The following KCNMB2 variants were observed in gnomAD, a reference collection of about 807,000 sequenced individuals.
KCNMB2 encodes potassium calcium-activated channel subfamily M regulatory beta subunit 2, also known as calcium-activated potassium channel subunit beta-2.
KCNMB2 carries 9 observed loss-of-function variants against 24.5 expected under a neutral mutation model. The observed-to-expected ratio is 0.37, with a 90% confidence interval of 0.22 to 0.64. The LOEUF is 0.64. Ranked by LOEUF, KCNMB2 falls within the 30% of genes least tolerant of loss-of-function variation. The pLI is 0.63. For missense variants in KCNMB2, 226 were observed against 284.3 expected, an observed-to-expected ratio of 0.79 and a Z score of 1.47; for synonymous variants, 109 against 104.4, an observed-to-expected ratio of 1.04 and a Z score of -0.27.
chr3:178,686,391 T>G (rs1001616737), intron 1 of KCNMB2, among the ~76,000 whole-genome samples: 1 of 152,176 alleles, frequency 6.6e-6, no homozygotes, highest in Non-Finnish European at 1.5e-5. Flanking sequence ...CTATTGGTAA[T>G]AAACTGGAAG....
intron 2 of KCNMB2, among the ~76,000 whole-genome samples, chr3:178,815,571 T>A (rs9819671): frequency 0.26 from 40,017 of 152,016 alleles, 7,074 homozygotes; most frequent in African/African-American, 0.51. Context: ...AAATCATGAA[T>A]AAAACAGGTA....
At chr3:178,836,456 C>A (rs1577225905) in intron 4 of KCNMB2, among the ~76,000 whole-genome samples, 1 of 152,048 alleles carries the variant, frequency 6.6e-6, no homozygotes. Flanking sequence ...AAGGAAAGAG[C>A]ATGATCATGG....
intron 1 of KCNMB2, among the ~76,000 whole-genome samples, chr3:178,696,859 A>ACTACTTACCAAG (rs1721898257): frequency 6.6e-6 from 1 of 152,034 alleles, no homozygotes; most frequent in African/African-American, 2.4e-5. Context: ...CTTTTACCAA[A>ACTACTTACCAAG]TAGTAAACAA....
At chr3:178,714,854 A>G (rs1191723725) in intron 1 of KCNMB2, among the ~76,000 whole-genome samples, 1 of 152,216 alleles carries the variant, frequency 6.6e-6, no homozygotes, top group Non-Finnish European at 1.5e-5. Flanking sequence ...CATGGAAATC[A>G]CGGCTGCACC....
At chr3:178,757,651 GAT>G (rs1302650620) in intron 1 of KCNMB2, among the ~76,000 whole-genome samples, 1 of 29,226 alleles carries the variant, frequency 3.4e-5, no homozygotes. Context: ...TATCCAAGAG[GAT>G]ATATATATAT....
intron 1 of KCNMB2, among the ~76,000 whole-genome samples, chr3:178,761,218 G>T (rs1711860917): frequency 6.6e-6 from 1 of 152,146 alleles, no homozygotes; most frequent in South Asian, 2.1e-4. Context: ...TGAGTGACAT[G>T]CTCTGATTCT....
At chr3:178,679,262 G>T (rs545007619) in intron 1 of KCNMB2, among the ~76,000 whole-genome samples, 10 of 151,860 alleles carry the variant, frequency 6.6e-5, no homozygotes, top group East Asian at 1.9e-4. Context: ...ATAGGCTCTT[G>T]GTCTGTCACC....
At chr3:178,823,153 A>C (rs544955771) in intron 2 of KCNMB2, among the ~76,000 whole-genome samples, 1 of 152,236 alleles carries the variant, frequency 6.6e-6, no homozygotes, top group African/African-American at 2.4e-5. Context: ...TAAAGGGTGA[A>C]GTTTTAAAAG....
intron 1 of KCNMB2, among the ~76,000 whole-genome samples, chr3:178,677,782 G>A (rs189132681): frequency 6.6e-6 from 1 of 152,186 alleles, no homozygotes; most frequent in Admixed American, 6.5e-5. Flanking sequence ...GCCCTTCAAG[G>A]GGGAGAAGGA....
intron 1 of KCNMB2, among the ~76,000 whole-genome samples, chr3:178,793,110 A>G (rs1713390812): frequency 6.6e-6 from 1 of 152,172 alleles, no homozygotes; most frequent in African/African-American, 2.4e-5. Context: ...CTAAATATAC[A>G]CAGCCCTGCT....
chr3:178,775,551 G>T lies in KCNMB2; in HGVS notation c.-67-31792G>T, dbSNP rs550794201. On this transcript the variant is annotated intron_variant, in intron 1 of 4. Coordinates refer to ENST00000452583, the MANE Select transcript of KCNMB2 (RefSeq NM_181361.3). ...CTAAAAATATTAGATTCTTAAAATA[G>T]GAGTTCTTTTTCTTAAGCGATAATC... is the stretch of plus-strand genomic sequence containing the variant. 2.0e-5 allele frequency among the ~76,000 whole-genome samples: 3 copies of T among 152,202 alleles called. 1 individual carries two copies. The South Asian group carries it at 6.2e-4, about 32-fold the overall frequency.
chr3:178,803,248 C>T (rs1713840659), intron 1 of KCNMB2, among the ~76,000 whole-genome samples: 1 of 152,194 alleles, frequency 6.6e-6, no homozygotes, highest in Non-Finnish European at 1.5e-5. Context: ...GCTGCTCTCA[C>T]TTATCTTTTC....
chr3:178,826,654 C>CTTT (rs1190234143), intron 3 of KCNMB2, among the ~76,000 whole-genome samples: 27 of 152,250 alleles, frequency 1.8e-4, no homozygotes, highest in African/African-American at 6.5e-4. Flanking sequence ...AGAAACAAGA[C>CTTT]CTTTTCAAAT....
intron 1 of KCNMB2, among the ~76,000 whole-genome samples, chr3:178,553,365 T>C (rs1177019190): frequency 6.6e-6 from 1 of 152,078 alleles, no homozygotes; most frequent in East Asian, 1.9e-4. Context: ...GAACTGAAAA[T>C]TGGCCAACAC....
At chr3:178,816,134 G>C (rs1714396047) in intron 2 of KCNMB2, among the ~76,000 whole-genome samples, 1 of 151,798 alleles carries the variant, frequency 6.6e-6, no homozygotes. Context: ...CCATTATGGT[G>C]ATATTTTTAA....
chr3:178,740,470 A>G (rs1252941247), intron 1 of KCNMB2, among the ~76,000 whole-genome samples: 2 of 152,140 alleles, frequency 1.3e-5, no homozygotes, highest in East Asian at 3.8e-4. Flanking sequence ...GATTTTCTTT[A>G]TCTACCCATG....
intron 2 of KCNMB2, among the ~76,000 whole-genome samples, chr3:178,808,347 G>A (rs887169750): frequency 2.0e-5 from 3 of 152,144 alleles, no homozygotes; most frequent in Admixed American, 2.0e-4. Context: ...CCAGCATATT[G>A]CAATGTAAGC....
At chr3:178,683,134 C>T (rs375820955) in intron 1 of KCNMB2, among the ~76,000 whole-genome samples, 86 of 152,146 alleles carry the variant, frequency 5.7e-4, no homozygotes, top group African/African-American at 1.8e-3. Flanking sequence ...TGGAATACTA[C>T]GCAACCATAA....
intron 1 of KCNMB2, among the ~76,000 whole-genome samples, chr3:178,796,446 A>G (rs1405063300): frequency 6.6e-6 from 1 of 152,158 alleles, no homozygotes; most frequent in African/African-American, 2.4e-5. Flanking sequence ...ATGGCAGCAG[A>G]ATACACATTC....
Sources: allele counts gnomAD v4.1 joint callset (sites outside exome capture counted in the v4.1 genomes callset), GRCh38; gene constraint gnomAD v4.1.1; transcripts MANE v1.5; gene names NCBI Gene and HGNC (gene_info 2026-07-23, HGNC 2026-07-21).